UBE2Z: variants seen among roughly 807,000 people sequenced by gnomAD.
The protein encoded by UBE2Z is ubiquitin conjugating enzyme E2 Z.
Under a neutral mutation model 32.6 loss-of-function variants are expected in UBE2Z, and 10 were observed. That is an observed-to-expected ratio of 0.31 (90% CI 0.19 to 0.52). The LOEUF is 0.52. UBE2Z is among the 20% of genes least tolerant of loss of function. The pLI is 0.97. For synonymous variants in UBE2Z, 183 were observed against 190.8 expected (o/e 0.96, Z 0.34); for missense variants, 343 against 480.9 (o/e 0.71, Z 2.68).
rs1460213314 is a variant in UBE2Z at position 48,921,262 on chromosome 17, G to A, written c.793G>A (p.Glu265Lys). The A allele has an allele frequency of 6.2e-7, 1 of 1,610,836 alleles. No homozygotes were observed. The highest frequency in any genetic ancestry group is 1.7e-5 in the Admixed American group (1 of 59,594). ...DMMEGKCPCP[E>K]PLRGVMEKSF... ...GATGGAAGGAAAGTGTCCCTGTCCT[G>A]AACCCCTACGGTATGTGTCAAGCGG... Residue 265 changes from glutamate (E) to lysine (K), a missense_variant, in exon 5 of 7, where the codon GAA (glutamate) becomes AAA (lysine). Physicochemically the swap from Glu to Lys is moderately conservative, Grantham distance 56. Coordinates refer to ENST00000360943, the MANE Select transcript of UBE2Z (RefSeq NM_023079.5).
Position 48,927,440 on chromosome 17 carries a change from C to A in UBE2Z, c.*306C>A. ...AAAACAAAACAACCAACACACCTCT[C>A]CACAGGGCCAGCTCCTTAGGGATAA... On this transcript the variant is annotated 3_prime_UTR_variant, in exon 7 of 7. Transcript: ENST00000360943. 3.3e-6 allele frequency: 1 copy of A among 303,218 alleles called. No individual in the cohort carries two copies. Among genetic ancestry groups the A allele is most frequent in the Non-Finnish European group, 6.4e-6 (1 of 156,238 alleles). 18.8% of individuals were successfully genotyped at this position (303,218 alleles called of 1,614,324 possible).
chr17:48,910,596 A>G (rs944666085), intron 1 of UBE2Z: 1 of 455,258 alleles, frequency 2.2e-6, no homozygotes. Context: ...TGAGGAAACA[A>G]TGCCCTTTTG....
At chr17:48,921,103 C>G (rs2040755039) in intron 4 of UBE2Z, 57 bp from the exon 5 acceptor site, 1 of 1,417,672 alleles carries the variant, frequency 7.1e-7, no homozygotes, top group South Asian at 1.2e-5. Flanking sequence ...AAGTCCCTTC[C>G]CATTGGTTTT....
chr17:48,910,560 T>G, intron 1 of UBE2Z: 1 of 410,726 alleles, frequency 2.4e-6, no homozygotes, highest in East Asian at 3.7e-5. Context: ...ATCTCTGATT[T>G]TTTTCCTCTC....
At chr17:48,911,093 T>C (rs1052723813) in intron 2 of UBE2Z, 6 of 539,364 alleles carry the variant, frequency 1.1e-5, no homozygotes, top group Non-Finnish European at 2.0e-5. Context: ...TAGGTACTGA[T>C]TGGCTTGGAA....
chr17:48,925,260 C>T (rs1056052894), intron 6 of UBE2Z, among the ~76,000 whole-genome samples: 6 of 142,602 alleles, frequency 4.2e-5, no homozygotes, highest in African/African-American at 1.6e-4. Flanking sequence ...CTAGCCTTGG[C>T]GATGGAGCCA....
Position 48,910,894 on chromosome 17 carries a change from T to TG in UBE2Z, c.390+19dup, listed in dbSNP as rs761204706. On this transcript the variant is annotated intron_variant, in intron 2 of 6. Transcript: ENST00000360943. The stretch of plus-strand genomic sequence containing the variant: ...GACATGACTAAGGTATGTAACTTGA[T>TG]GGGGGTTTGGGGGGTTTTGGGAAAT... 2 of 1,606,264 alleles carry TG rather than the reference T, an allele frequency of 1.2e-6. No homozygotes were observed. The highest frequency in any genetic ancestry group is 1.1e-5 in the South Asian group (1 of 90,900).
intron 3 of UBE2Z, 103 bp from the exon 4 acceptor site, chr17:48,915,973 G>A: frequency 1.5e-6 from 1 of 669,420 alleles, no homozygotes; most frequent in Non-Finnish European, 2.5e-6. Flanking sequence ...TAGTGAAAGA[G>A]AAACTTATGG....
intron 3 of UBE2Z, among the ~76,000 whole-genome samples, chr17:48,913,343 G>GT (rs1354475310): frequency 2.0e-5 from 3 of 152,040 alleles, no homozygotes; most frequent in East Asian, 1.9e-4. Context: ...CAAAAATCTG[G>GT]TTTTTTTGGT....
rs529682476 is a variant in UBE2Z at position 48,927,321 on chromosome 17, G to A, written c.*187G>A. ...GGCCTGTTCCCGGTCTGACCTCCTT[G>A]GCACTGGAGCATCTGGGGCTTCGTT... is the stretch of plus-strand genomic sequence containing the variant. On this transcript the variant is annotated 3_prime_UTR_variant, in exon 7 of 7. Transcript: ENST00000360943. 2.4e-5 allele frequency: 15 copies of A among 615,158 alleles called. No homozygotes were observed. Among genetic ancestry groups the A allele is most frequent in the African/African-American group, 2.4e-4 (13 of 54,308 alleles). The allele number at this position is 615,158 out of a possible 1,614,324, so 38.1% of individuals were successfully genotyped here.
At chr17:48,921,020 T>C in intron 4 of UBE2Z, 140 bp from the exon 5 acceptor site, 1 of 637,962 alleles carries the variant, frequency 1.6e-6, no homozygotes, top group Non-Finnish European at 2.7e-6. Context: ...TTGCTCTTCA[T>C]GGATCTGCCA....
rs2040808689 is a variant in UBE2Z at position 48,927,977 on chromosome 17, C to T, written c.*843C>T. 1 of 152,400 alleles carries T rather than the reference C, an allele frequency of 6.6e-6. No homozygotes were observed. Among genetic ancestry groups the T allele is most frequent in the Non-Finnish European group, 1.5e-5 (1 of 68,068 alleles). The allele number at this position is 152,400 out of a possible 1,614,324, so 9.4% of individuals were successfully genotyped here. On this transcript the variant is annotated 3_prime_UTR_variant, in exon 7 of 7. Coordinates refer to ENST00000360943, the MANE Select transcript of UBE2Z (RefSeq NM_023079.5). ...TGTGTATATGGGATTAGAGCCACTA[C>T]ATAGAATAGTCTCTTACAGATTTTC...
chr17:48,925,077 G>T (rs62075845), intron 6 of UBE2Z, among the ~76,000 whole-genome samples: 62,225 of 151,356 alleles, frequency 0.41, 15,304 homozygotes, highest in East Asian at 0.71. Flanking sequence ...GAGATCAGGA[G>T]TTTGAGACCA....
At chr17:48,925,120 T>TA (rs2040788900) in intron 6 of UBE2Z, among the ~76,000 whole-genome samples, 1 of 151,760 alleles carries the variant, frequency 6.6e-6, no homozygotes, top group Non-Finnish European at 1.5e-5. Flanking sequence ...CTGCCTCTAC[T>TA]AAAAATACAA....
At chr17:48,917,814 T>C (rs894507155) in intron 4 of UBE2Z, among the ~76,000 whole-genome samples, 1 of 152,190 alleles carries the variant, frequency 6.6e-6, no homozygotes, top group Non-Finnish European at 1.5e-5. Flanking sequence ...CAGACTTACA[T>C]TGGAGCCCAA....
intron 3 of UBE2Z, 199 bp from the exon 4 acceptor site, chr17:48,915,877 T>TAG: frequency 4.2e-6 from 1 of 236,842 alleles, no homozygotes; most frequent in East Asian, 6.0e-5. Flanking sequence ...CCCCCCCCCT[T>TAG]GATTTGAGGA....
chr17:48,922,811 G>A (rs755382944), intron 5 of UBE2Z, 36 bp from the exon 6 acceptor site: 3 of 1,570,050 alleles, frequency 1.9e-6, no homozygotes, highest in Non-Finnish European at 2.6e-6. Flanking sequence ...CTGTACCCCT[G>A]GGTTTCTCAC....
chr17:48,910,168 C>A (rs1240340351), intron 1 of UBE2Z, among the ~76,000 whole-genome samples: 1 of 152,112 alleles, frequency 6.6e-6, no homozygotes, highest in African/African-American at 2.4e-5. Flanking sequence ...AGATATGAGT[C>A]AGAAATCTTA....
In UBE2Z at chr17:48,922,913, G is replaced by C. The variant is rs1157664909; in HGVS notation, c.870G>C (p.Leu290=). 6.2e-7 allele frequency: 1 copy of C among 1,612,324 alleles called. No homozygotes were observed. Among genetic ancestry groups the C allele is most frequent in the Non-Finnish European group, 8.5e-7 (1 of 1,179,088 alleles). ...DFYEVACKDR[L]HLQGQTMQDP... ...ACGAGGTGGCCTGCAAAGATCGCCT[G>C]CACCTTCAAGGCCAAACTATGCAGG... Residue 290 remains leucine (L), a synonymous_variant, in exon 6 of 7, where the codon CTG becomes CTC. Transcript: ENST00000360943.
Sources: allele counts gnomAD v4.1 joint callset (sites outside exome capture counted in the v4.1 genomes callset), GRCh38; gene constraint gnomAD v4.1.1; transcripts MANE v1.5; gene names NCBI Gene and HGNC (gene_info 2026-07-23, HGNC 2026-07-21).